KIAA1549: variants seen among roughly 807,000 people sequenced by gnomAD.
The protein encoded by KIAA1549 is KIAA1549, also known as UPF0606 protein KIAA1549.
A neutral mutation model predicts 156.4 loss-of-function variants in KIAA1549; 70 were observed. That is an observed-to-expected ratio of 0.45 (90% CI 0.37 to 0.55). The LOEUF (loss-of-function observed/expected upper bound fraction) is 0.55, where lower values mean the gene tolerates loss of function less well. KIAA1549 is among the 20% of genes least tolerant of loss of function. The probability of loss-of-function intolerance (pLI) is 0.00; values close to 1 mark genes in which losing one functional copy is unlikely to be tolerated. For missense variants in KIAA1549, 2,428 were observed against 2,540.9 expected (o/e 0.96, Z 0.96); for synonymous variants, 1,103 against 1,066.4 (o/e 1.03, Z -0.67).
intron 1 of KIAA1549, among the ~76,000 whole-genome samples, chr7:138,971,337 T>A (rs986823111): frequency 1.3e-5 from 2 of 152,130 alleles, no homozygotes; most frequent in Non-Finnish European, 2.9e-5. Context: ...TACTCCCCCA[T>A]ACATCTCTGT....
intron 15 of KIAA1549, among the ~76,000 whole-genome samples, chr7:138,863,534 C>T (rs969929950): frequency 2.0e-5 from 3 of 152,080 alleles, no homozygotes; most frequent in African/African-American, 2.4e-5. Flanking sequence ...AGTCAACCCA[C>T]GGACAGGTTT....
At chr7:138,905,103 G>A (rs764444310) in intron 6 of KIAA1549, 22 bp from the exon 7 acceptor site, 8 of 1,519,758 alleles carry the variant, frequency 5.3e-6, no homozygotes, top group Non-Finnish European at 6.3e-6. Context: ...AAAGAATTAG[G>A]GAAGGAGAAA....
chr7:138,856,937 C>T (rs1460843274), intron 16 of KIAA1549, among the ~76,000 whole-genome samples: 1 of 152,132 alleles, frequency 6.6e-6, no homozygotes, highest in Non-Finnish European at 1.5e-5. Flanking sequence ...TGTTGAAAGC[C>T]TGAACAGAAG....
In KIAA1549 at chr7:138,868,011, G is replaced by A; in HGVS notation, c.4893C>T (p.Pro1631=). ...TTDSDGTYRR[P]PGVHNSAYIG... is the part of the protein sequence containing the mutation. ...TGTAGGCTGAGTTGTGGACGCCGGGGGGCCTCCTGTAGGTGCCATCGCTGT... is the reference window on the plus strand; with the variant it reads ...TGTAGGCTGAGTTGTGGACGCCGGGAGGCCTCCTGTAGGTGCCATCGCTGT... The change falls in exon 15 of 20, where the codon CCC becomes CCT. Residue 1631 remains proline, a synonymous_variant. Coordinates refer to ENST00000422774, the MANE Select transcript of KIAA1549 (RefSeq NM_001164665.2). 1 of 1,613,974 alleles carries A rather than the reference G, an allele frequency of 6.2e-7. No individual in the cohort carries two copies.
At chr7:138,966,599 T>C (rs575651527) in intron 1 of KIAA1549, among the ~76,000 whole-genome samples, 4 of 151,812 alleles carry the variant, frequency 2.6e-5, no homozygotes, top group East Asian at 3.9e-4. Context: ...GTCTAGTATT[T>C]TCATGTTCTT....
At chr7:138,956,086 T>C (rs1813655837) in intron 1 of KIAA1549, among the ~76,000 whole-genome samples, 1 of 151,936 alleles carries the variant, frequency 6.6e-6, no homozygotes, top group Non-Finnish European at 1.5e-5. Flanking sequence ...TAGAGACGGG[T>C]TTTCACTATG....
At chr7:138,960,472 C>T (rs1230155222) in intron 1 of KIAA1549, among the ~76,000 whole-genome samples, 1 of 151,466 alleles carries the variant, frequency 6.6e-6, no homozygotes, top group Non-Finnish European at 1.5e-5. Flanking sequence ...CTATGCCTGG[C>T]TAATTTTTTG....
chr7:138,927,922 C>CT (rs1200610758), intron 1 of KIAA1549, among the ~76,000 whole-genome samples: 1,466 of 139,122 alleles, frequency 0.011, 27 homozygotes, highest in African/African-American at 0.03. Flanking sequence ...ATTGTCTTGT[C>CT]TTTTTTTTTT....
intron 12 of KIAA1549, among the ~76,000 whole-genome samples, chr7:138,873,453 G>T (rs1161647148): frequency 1.3e-5 from 2 of 152,146 alleles, no homozygotes; most frequent in Non-Finnish European, 2.9e-5. Flanking sequence ...CTCCAGACAG[G>T]CTAGCCCTGC....
At chr7:138,892,732 G>C (rs886371113) in intron 10 of KIAA1549, among the ~76,000 whole-genome samples, 1 of 152,074 alleles carries the variant, frequency 6.6e-6, no homozygotes, top group African/African-American at 2.4e-5. Context: ...TTTTACAAAA[G>C]TAAAATAAAT....
chr7:138,908,306 G>T (rs553581926), intron 5 of KIAA1549, among the ~76,000 whole-genome samples: 1 of 152,174 alleles, frequency 6.6e-6, no homozygotes, highest in African/African-American at 2.4e-5. Flanking sequence ...GACTTTTAAG[G>T]TGACACTGCA....
chr7:138,867,571 A>T (rs1036663495), intron 15 of KIAA1549, among the ~76,000 whole-genome samples: 1 of 152,038 alleles, frequency 6.6e-6, no homozygotes, highest in African/African-American at 2.4e-5. Flanking sequence ...AAAAAATAAT[A>T]AAAATAAACA....
At chr7:138,839,776 G>GTTTTTTTT in intron 19 of KIAA1549, among the ~76,000 whole-genome samples, 1 of 90,092 alleles carries the variant, frequency 1.1e-5, no homozygotes, top group African/African-American at 3.8e-5. Context: ...GAGGGATTAT[G>GTTTTTTTT]TCTTTTTTTT....
Position 138,903,580 on chromosome 7 carries a change from T to C in KIAA1549, c.3669+8A>G, listed in dbSNP as rs759608020. On this transcript the variant is annotated splice_region_variant and intron_variant, in intron 8 of 19. Transcript: ENST00000422774. ...CTCTCCTTCCCCTCCTCCTTTGATG[T>C]GGAGTACCTGCACCACACTGTTCCC... 25 of 1,612,508 alleles carry C rather than the reference T, an allele frequency of 1.6e-5. No individual in the cohort carries two copies. The South Asian group carries it at 2.7e-4, about 18-fold the overall frequency.
At chr7:138,949,138 G>A (rs560185383) in intron 1 of KIAA1549, among the ~76,000 whole-genome samples, 37 of 152,200 alleles carry the variant, frequency 2.4e-4, no homozygotes, top group Admixed American at 3.9e-4. Context: ...CCACACTCTC[G>A]AAAAAATCGT....
rs763079051 is a variant in KIAA1549, at chr7:138,905,100, T to G, written c.3461-19A>C. ...TGGAAGGCTACAAAAGGGAAAGAAT[T>G]AGGGAAGGAGAAAAATATCTGTAAA... On this transcript the variant is annotated intron_variant, in intron 6 of 19. Coordinates refer to ENST00000422774, the MANE Select transcript of KIAA1549 (RefSeq NM_001164665.2). 6.5e-7 allele frequency: 1 copy of G among 1,528,000 alleles called. No individual in the cohort carries two copies. Among genetic ancestry groups the G allele is most frequent in the Non-Finnish European group, 8.9e-7 (1 of 1,121,868 alleles). 94.7% of individuals were successfully genotyped at this position (1,528,000 alleles called of 1,614,324 possible).
At chr7:138,973,418 A>G (rs1814279099) in intron 1 of KIAA1549, among the ~76,000 whole-genome samples, 1 of 152,158 alleles carries the variant, frequency 6.6e-6, no homozygotes, top group South Asian at 2.1e-4. Flanking sequence ...AGCATTTGAC[A>G]TGATGGATCA....
rs750742481 is a variant in KIAA1549, at chr7:138,868,004, C to T, written c.4900G>A (p.Val1634Ile). 34 of 1,613,798 alleles carry T rather than the reference C, an allele frequency of 2.1e-5. No individual in the cohort carries two copies. The highest frequency in any genetic ancestry group is 1.1e-4 in the African/African-American group (8 of 74,924). The change falls in exon 15 of 20, where the codon GTC (valine) becomes ATC (isoleucine). Residue 1634 changes from valine to isoleucine, a missense_variant. By Grantham distance (29) the Val-to-Ile change is conservative. Around this residue, in one of 5 missense-constraint regions of KIAA1549, gnomAD observed 404 missense variants for 417.0 expected, o/e 0.97. Coordinates refer to ENST00000422774, the MANE Select transcript of KIAA1549 (RefSeq NM_001164665.2). ...CATCCGATGTAGGCTGAGTTGTGGA[C>T]GCCGGGGGGCCTCCTGTAGGTGCCA... ...SDGTYRRPPG[V>I]HNSAYIGCPS...
chr7:138,833,160 G>A lies in KIAA1549; in HGVS notation c.*4746C>T. On this transcript the variant is annotated 3_prime_UTR_variant, in exon 20 of 20. Coordinates refer to ENST00000422774, the MANE Select transcript of KIAA1549 (RefSeq NM_001164665.2). Reference sequence around the variant, plus strand: ...CTCCGGAGGTAGAAATGACCACGGTGAAAACTCCACTTGAGCTAAAGTTAG... The same window carrying A: ...CTCCGGAGGTAGAAATGACCACGGTAAAAACTCCACTTGAGCTAAAGTTAG... 4.3e-6 allele frequency: 1 copy of A among 232,578 alleles called. No individual in the cohort carries two copies. Among genetic ancestry groups the A allele is most frequent in the Non-Finnish European group, 8.5e-6 (1 of 117,612 alleles). 14.4% of individuals were successfully genotyped at this position (232,578 alleles called of 1,614,324 possible).
Sources: gnomAD v4.1 joint callset for allele counts (sites outside exome capture counted in the v4.1 genomes callset) on GRCh38, gnomAD v4.1.1 for gene constraint, gnomAD v4.1.1 regional missense constraint, MANE v1.5 for transcripts, NCBI Gene and HGNC (gene_info 2026-07-23, HGNC 2026-07-21) for gene names.